The following EDIL3 variants were observed in gnomAD, a reference collection of about 807,000 sequenced individuals.
EDIL3 encodes the protein EGF like and discoidin domains 3.
A neutral mutation model predicts 67.4 loss-of-function variants in EDIL3; 37 were observed. The observed-to-expected ratio is 0.55, with a 90% CI of 0.42 to 0.72. The LOEUF (loss-of-function observed/expected upper bound fraction) is 0.72, where lower values mean the gene tolerates loss of function less well. EDIL3 is among the 30% of genes least tolerant of loss of function. The pLI is 0.00. For synonymous variants in EDIL3, 195 were observed against 196.3 expected, an observed-to-expected ratio of 0.99 and a Z score of 0.05; for missense variants, 527 against 586.3, an observed-to-expected ratio of 0.90 and a Z score of 1.04.
intron 10 of EDIL3, among the ~76,000 whole-genome samples, chr5:83,955,786 CTTTTGCTCTTTTGTCTTT>C (rs1166447193): frequency 6.6e-6 from 1 of 151,742 alleles, no homozygotes; most frequent in Non-Finnish European, 1.5e-5. Context: ...CAGCTTTCTG[CTTTTGCTCTTTTGTCTTT>C]TAACGATGAA....
intron 9 of EDIL3, among the ~76,000 whole-genome samples, chr5:83,980,623 G>A (rs1399226370): frequency 6.7e-6 from 1 of 150,038 alleles, no homozygotes; most frequent in African/African-American, 2.4e-5. Context: ...GGGAGGCGGA[G>A]GTTAAAGTGA....
intron 1 of EDIL3, among the ~76,000 whole-genome samples, chr5:84,261,214 C>A (rs1055973990): frequency 6.6e-6 from 1 of 152,196 alleles, no homozygotes; most frequent in African/African-American, 2.4e-5. Flanking sequence ...AGATAAAGTT[C>A]ATGAGAATTT....
chr5:83,981,722 A>G (rs1409940146), intron 9 of EDIL3, among the ~76,000 whole-genome samples: 1 of 152,084 alleles, frequency 6.6e-6, no homozygotes, highest in East Asian at 1.9e-4. Flanking sequence ...GAAACTAATA[A>G]CAGGACTGTT....
chr5:84,102,942 A>G (rs1747394055), intron 6 of EDIL3, among the ~76,000 whole-genome samples: 1 of 152,172 alleles, frequency 6.6e-6, no homozygotes, highest in Non-Finnish European at 1.5e-5. Flanking sequence ...AGCTAGAAGT[A>G]TCACATTACC....
intron 9 of EDIL3, among the ~76,000 whole-genome samples, chr5:84,049,640 A>G (rs979749385): frequency 6.6e-6 from 1 of 152,212 alleles, no homozygotes; most frequent in African/African-American, 2.4e-5. Flanking sequence ...CAATTTCAAC[A>G]TTGGTAAGAA....
At chr5:84,360,404 G>A (rs562311543) in intron 1 of EDIL3, among the ~76,000 whole-genome samples, 12 of 152,166 alleles carry the variant, frequency 7.9e-5, no homozygotes, top group Non-Finnish European at 1.6e-4. Context: ...CAGTCAGAAT[G>A]TAGATCATTT....
chr5:84,086,468 C>T (rs1343824152), intron 6 of EDIL3, among the ~76,000 whole-genome samples: 5 of 152,166 alleles, frequency 3.3e-5, no homozygotes, highest in Non-Finnish European at 5.9e-5. Context: ...TCTGCTCGCT[C>T]TCTGTGGGTT....
intron 1 of EDIL3, among the ~76,000 whole-genome samples, chr5:84,330,970 G>A (rs1314297287): frequency 6.6e-6 from 1 of 152,220 alleles, no homozygotes; most frequent in Non-Finnish European, 1.5e-5. Flanking sequence ...ACCTGGATGT[G>A]AGACATGGAG....
intron 9 of EDIL3, among the ~76,000 whole-genome samples, chr5:84,025,884 C>T (rs1401263906): frequency 6.6e-6 from 1 of 152,168 alleles, no homozygotes; most frequent in African/African-American, 2.4e-5. Context: ...GTGTTCCTTG[C>T]AGCCTTTGCC....
intron 4 of EDIL3, among the ~76,000 whole-genome samples, chr5:84,149,077 G>A (rs531424386): frequency 1.3e-5 from 2 of 152,274 alleles, no homozygotes; most frequent in Non-Finnish European, 2.9e-5. Flanking sequence ...CATGGCATAG[G>A]GAGGGAGAAT....
Position 83,942,815 on chromosome 5 carries a change from C to A in EDIL3, c.*604G>T. 1 of 151,994 alleles carries A rather than the reference C, an allele frequency of 6.6e-6. No individual in the cohort carries two copies. The highest frequency in any genetic ancestry group is 2.4e-5 in the African/African-American group (1 of 41,286). The allele number at this position is 151,994 out of a possible 1,614,324, so 9.4% of individuals were successfully genotyped here. ...ACAATATTAAGAATGTAGAATAGAA[C>A]TAAAAGAAAAAGAAGTCACATAATC... On this transcript the variant is annotated 3_prime_UTR_variant, in exon 11 of 11. Coordinates refer to ENST00000296591, the MANE Select transcript of EDIL3 (RefSeq NM_005711.5).
intron 1 of EDIL3, among the ~76,000 whole-genome samples, chr5:84,296,902 G>A (rs1746061599): frequency 6.6e-6 from 1 of 152,078 alleles, no homozygotes; most frequent in African/African-American, 2.4e-5. Context: ...AACCAAACAG[G>A]TCAGGTTCGC....
chr5:84,356,408 G>C (rs1211713129), intron 1 of EDIL3, among the ~76,000 whole-genome samples: 3 of 152,202 alleles, frequency 2.0e-5, no homozygotes, highest in African/African-American at 7.2e-5. Context: ...CTCCTTTCTG[G>C]ATGCTCTAGG....
intron 9 of EDIL3, among the ~76,000 whole-genome samples, chr5:83,988,283 G>T (rs938587078): frequency 1.3e-5 from 2 of 152,084 alleles, no homozygotes; most frequent in South Asian, 2.1e-4. Context: ...ACACATAAAA[G>T]AAAACTAATC....
At chr5:84,269,883 G>C (rs1003852791) in intron 1 of EDIL3, among the ~76,000 whole-genome samples, 2 of 152,130 alleles carry the variant, frequency 1.3e-5, no homozygotes, top group African/African-American at 4.8e-5. Context: ...TTAAGTTTGG[G>C]ATAACTCTTT....
At chr5:83,956,488 T>C (rs1744515982) in intron 10 of EDIL3, among the ~76,000 whole-genome samples, 1 of 151,766 alleles carries the variant, frequency 6.6e-6, no homozygotes, top group Admixed American at 6.6e-5. Flanking sequence ...GACAATATGC[T>C]GCTTTCTGAA....
intron 1 of EDIL3, among the ~76,000 whole-genome samples, chr5:84,254,916 T>A (rs1745097864): frequency 6.6e-6 from 1 of 152,100 alleles, no homozygotes; most frequent in African/African-American, 2.4e-5. Flanking sequence ...GTCATGGCCA[T>A]GAAAAGCTAG....
At chr5:83,991,424 C>T (rs1745148949) in intron 9 of EDIL3, among the ~76,000 whole-genome samples, 1 of 152,120 alleles carries the variant, frequency 6.6e-6, no homozygotes, top group Non-Finnish European at 1.5e-5. Context: ...CTCATCGATT[C>T]ACCATCTACT....
intron 5 of EDIL3, among the ~76,000 whole-genome samples, chr5:84,124,526 C>G (rs994308854): frequency 6.6e-6 from 1 of 151,806 alleles, no homozygotes; most frequent in South Asian, 2.1e-4. Flanking sequence ...CTATTGTCAC[C>G]TGCTAAGTGG....
Sources: gnomAD v4.1 joint callset for allele counts (sites outside exome capture counted in the v4.1 genomes callset) on GRCh38, gnomAD v4.1.1 for gene constraint, MANE v1.5 for transcripts, NCBI Gene and HGNC (gene_info 2026-07-23, HGNC 2026-07-21) for gene names.